The following ZNF676 variants were observed in gnomAD, a reference collection of about 807,000 sequenced individuals.
ZNF676 encodes zinc finger protein 676.
In ZNF676, 4 loss-of-function variants were observed where a neutral mutation model predicts 6.0. The ratio of observed to expected loss-of-function variants is 0.67; its 90% confidence interval spans 0.33 to 1.53. The LOEUF (loss-of-function observed/expected upper bound fraction) is 1.53. ZNF676 is among the 40% of genes most tolerant of loss of function. The probability of loss-of-function intolerance (pLI) is 0.06; values close to 1 mark genes in which losing one functional copy is unlikely to be tolerated. For missense variants in ZNF676, 644 were observed against 679.7 expected (o/e 0.95, Z 0.58); for synonymous variants, 198 against 223.1 (o/e 0.89, Z 1.00).
chr19:22,211,092 A>C (rs982896369), intron 1 of ZNF676, among the ~76,000 whole-genome samples: 7 of 124,304 alleles, frequency 5.6e-5, no homozygotes, highest in Non-Finnish European at 9.8e-5. Flanking sequence ...CTCCTTTGGA[A>C]TTCTTTTTTT....
At chr19:22,190,777 T>A (rs905921569) in intron 2 of ZNF676, among the ~76,000 whole-genome samples, 21 of 150,892 alleles carry the variant, frequency 1.4e-4, no homozygotes, top group Non-Finnish European at 2.4e-4. Flanking sequence ...TCAGTAAATA[T>A]AATTTGAAAT....
upstream of ZNF676, among the ~76,000 whole-genome samples, chr19:22,197,310 C>T (rs1159053943): frequency 2.1e-5 from 3 of 141,460 alleles, no homozygotes; most frequent in East Asian, 2.2e-4. Context: ...AAGAGTGAAA[C>T]TCCATCTCAA....
chr19:22,211,201 T>C (rs1314188151), intron 1 of ZNF676, among the ~76,000 whole-genome samples: 1 of 152,034 alleles, frequency 6.6e-6, no homozygotes, highest in East Asian at 1.9e-4. Context: ...AAACCCCTTC[T>C]ATCTTAACCT....
chr19:22,184,826 GAAAAAAAAAA>G lies in ZNF676; in HGVS notation c.131-3250_131-3241del, dbSNP rs144833243. ...CCTCCTCTTTGGGCAGGGCATCTTT[GAAAAAAAAAA>G]AAAAAAAAAAAAAAAAGGCAGCAGC... On this transcript the variant is annotated intron_variant, in intron 2 of 2. Transcript: ENST00000397121. Among the ~76,000 whole-genome samples the G allele has an allele frequency of 8.7e-3, 461 of 52,698 alleles. 6 individuals carry two copies. Among genetic ancestry groups the G allele is most frequent in the African/African-American group, 0.034 (425 of 12,580 alleles). 34.6% of individuals were successfully genotyped at this position (52,698 alleles called of 152,430 possible). A position where few individuals can be genotyped will look rare whatever the true frequency, so the allele number is the denominator to read the frequency against.
chr19:22,240,521 C>A, the ZNF676 span, among the ~76,000 whole-genome samples: 2 of 151,914 alleles, frequency 1.3e-5, no homozygotes, highest in African/African-American at 4.9e-5. Context: ...TGGCTGGGCA[C>A]AGTGGCTCAC....
At chr19:22,192,847 A>AT (rs2144759870) in intron 2 of ZNF676, among the ~76,000 whole-genome samples, 169 bp downstream of exon 2, 1 of 152,328 alleles carries the variant, frequency 6.6e-6, no homozygotes, top group African/African-American at 2.4e-5. Context: ...TTTTAAAAGC[A>AT]TAAGTTAGAA....
chr19:22,182,592 A>AAAAAAAAAAAAAAAAAC (rs1568525830), intron 2 of ZNF676, among the ~76,000 whole-genome samples: 8 of 132,330 alleles, frequency 6.0e-5, no homozygotes, highest in Non-Finnish European at 1.3e-4. Context: ...TTCTAAAAAA[A>AAAAAAAAAAAAAAAAAC]AAAAAAAAAA....
chr19:22,183,393 A>C (rs2023789187), intron 2 of ZNF676, among the ~76,000 whole-genome samples: 1 of 152,132 alleles, frequency 6.6e-6, no homozygotes, highest in African/African-American at 2.4e-5. Flanking sequence ...GCTGGAGTGC[A>C]ATGACACTAT....
intron 1 of ZNF676, among the ~76,000 whole-genome samples, chr19:22,194,397 A>C (rs1367387048): frequency 6.6e-6 from 1 of 152,194 alleles, no homozygotes; most frequent in Non-Finnish European, 1.5e-5. Context: ...AATTACCTTA[A>C]AGCTTGTCAG....
chr19:22,206,968 C>T (rs573680635), intron 1 of ZNF676, among the ~76,000 whole-genome samples: 1 of 152,256 alleles, frequency 6.6e-6, no homozygotes, highest in South Asian at 2.1e-4. Flanking sequence ...TTATCTATGA[C>T]AAATCCACAG....
rs745468811 is a variant in ZNF676, at chr19:22,180,337, C to A, written c.1380G>T (p.Trp460Cys). The A allele has an allele frequency of 2.5e-6, 4 of 1,607,034 alleles. No homozygotes were observed. The highest frequency in any genetic ancestry group is 3.4e-6 in the Non-Finnish European group (4 of 1,177,486). The change falls in exon 3 of 3, where the codon TGG becomes TGT. Residue 460 changes from tryptophan (W) to cysteine (C), a missense_variant. By Grantham distance (215) the Trp-to-Cys change is radical (BLOSUM62 -2). Coordinates refer to ENST00000397121, the MANE Select transcript of ZNF676 (RefSeq NM_001001411.3). The stretch of plus-strand genomic sequence containing the variant: ...TCTTGTGTTTAGTAAAGCTTGAGGA[C>A]CAGGTGAAGGCTTTGCCACATTCTT... ...KCEECGKAFT[W>C]SSSFTKHKRI... is the part of the protein sequence containing the mutation.
chr19:22,184,606 T>G (rs1482819428), intron 2 of ZNF676, among the ~76,000 whole-genome samples: 2 of 151,874 alleles, frequency 1.3e-5, no homozygotes, highest in Non-Finnish European at 2.9e-5. Flanking sequence ...CCCAGCAAAC[T>G]AGGACCCACT....
At chr19:22,234,871 T>G in the ZNF676 span, among the ~76,000 whole-genome samples, 2 of 151,406 alleles carry the variant, frequency 1.3e-5, no homozygotes, top group Non-Finnish European at 2.9e-5. Flanking sequence ...AGGTGGAGGT[T>G]GCAGTGAGGC....
chr19:22,241,918 G>C, the ZNF676 span, among the ~76,000 whole-genome samples: 319 of 151,788 alleles, frequency 2.1e-3, 6 homozygotes, highest in African/African-American at 6.9e-3. Context: ...GTCCTTGTGT[G>C]AATGCAATAA....
the ZNF676 span, among the ~76,000 whole-genome samples, chr19:22,237,495 C>T: frequency 1.3e-5 from 2 of 152,100 alleles, no homozygotes; most frequent in South Asian, 4.1e-4. Flanking sequence ...CCTCATGGGG[C>T]ACACTCTCAA....
At chr19:22,257,379 C>T in the ZNF676 span, among the ~76,000 whole-genome samples, 2 of 152,210 alleles carry the variant, frequency 1.3e-5, no homozygotes, top group South Asian at 4.2e-4. Context: ...AGGTGTTGGA[C>T]CCAGCAATAT....
the ZNF676 span, among the ~76,000 whole-genome samples, chr19:22,240,941 C>A: frequency 6.6e-6 from 1 of 151,978 alleles, no homozygotes; most frequent in South Asian, 2.1e-4. Context: ...GTAGGAAAGG[C>A]ACAGGAAGAA....
rs1283527255 is a variant in ZNF676, at chr19:22,180,152, T to C, written c.1565A>G (p.Glu522Gly). 6.2e-7 allele frequency: 1 copy of C among 1,613,276 alleles called. No individual in the cohort carries two copies. Among genetic ancestry groups the C allele is most frequent in the African/African-American group, 1.3e-5 (1 of 74,758 alleles). ...CTCTCCAGTATGAATTATCTTATGT[T>C]CAGTAAGGATCGAGGACCAGCTGAA... ...KAFSWSSILT[E>G]HKIIHTGEKP... Residue 522 changes from glutamate (E) to glycine (G), a missense_variant, in exon 3 of 3, where the codon GAA becomes GGA. Glu to Gly is a moderately conservative substitution (Grantham distance 98, BLOSUM62 -2). Around this residue, in one of 5 missense-constraint regions of ZNF676, gnomAD observed 306 missense variants for 265.4 expected, o/e 1.15. Transcript: ENST00000397121.
chr19:22,234,053 T>C, the ZNF676 span, among the ~76,000 whole-genome samples: 4 of 152,226 alleles, frequency 2.6e-5, no homozygotes, highest in Non-Finnish European at 4.4e-5. Flanking sequence ...TGATTCAGTA[T>C]GTAATCACAC....
Sources: allele counts gnomAD v4.1 joint callset (sites outside exome capture counted in the v4.1 genomes callset), GRCh38; gene constraint gnomAD v4.1.1; regional missense constraint gnomAD v4.1.1; transcripts MANE v1.5; gene names NCBI Gene and HGNC (gene_info 2026-07-23, HGNC 2026-07-21).